PCBP3: variants seen among roughly 807,000 people sequenced by gnomAD.
The protein encoded by PCBP3 is poly(rC) binding protein 3.
A neutral mutation model predicts 52.7 loss-of-function variants in PCBP3; 25 were observed. The observed-to-expected ratio is 0.47, with a 90% CI of 0.35 to 0.66. PCBP3 has a LOEUF of 0.66. Among genes scored for constraint, PCBP3 ranks in the 30% least tolerant of loss-of-function variants. The pLI is 0.01. For synonymous variants in PCBP3, 162 were observed against 183.0 expected (o/e 0.89, Z 0.93); for missense variants, 391 against 490.3 (o/e 0.80, Z 1.91).
intron 16 of PCBP3, among the ~76,000 whole-genome samples, chr21:45,937,302 T>C (rs1039255052): frequency 2.0e-5 from 3 of 152,154 alleles, no homozygotes; most frequent in African/African-American, 7.2e-5. Context: ...AGCCCTTTGG[T>C]TCCCTTTCTG....
At chr21:45,730,759 C>G (rs1228761508) in intron 2 of PCBP3, among the ~76,000 whole-genome samples, 1 of 152,086 alleles carries the variant, frequency 6.6e-6, no homozygotes, top group African/African-American at 2.4e-5. Flanking sequence ...AAACTGACCC[C>G]TTAATTATTA....
In PCBP3 at chr21:45,788,567, T is replaced by A. The variant is rs1475038695; in HGVS notation, c.-126+33115T>A. The A allele has an allele frequency of 6.6e-6, 1 of 152,432 alleles. No individual in the cohort carries two copies. Among genetic ancestry groups the A allele is most frequent in the Non-Finnish European group, 1.5e-5 (1 of 68,262 alleles). The allele number at this position is 152,432 out of a possible 1,614,324, so 9.4% of individuals were successfully genotyped here. A position where few individuals can be genotyped will look rare whatever the true frequency, so the allele number is the denominator to read the frequency against. ...CTTTTTTCCCACCCCACGGGGCCGA[T>A]CCTGACTTCTGGTTGCTCCCTTTGC... is the stretch of plus-strand genomic sequence containing the variant. On this transcript the variant is annotated intron_variant, in intron 4 of 17. Coordinates refer to ENST00000681687, the MANE Select transcript of PCBP3 (RefSeq NM_001384156.1). This position sits in a 1 kb window ranked among gnomAD's most constrained non-coding sequence, Gnocchi z 4.3.
chr21:45,731,432 A>G (rs1038981918), intron 2 of PCBP3, among the ~76,000 whole-genome samples: 9 of 152,194 alleles, frequency 5.9e-5, no homozygotes, highest in African/African-American at 2.2e-4. Flanking sequence ...CATCACAGGT[A>G]TACAAGATGG....
At position 45,837,209 on chromosome 21, in the gene PCBP3, A is replaced by G. The variant is rs183903239; in HGVS notation, c.-125-12752A>G. Among the ~76,000 whole-genome samples the G allele has an allele frequency of 3.9e-3, 590 of 152,332 alleles. 5 individuals are homozygous for G. Among genetic ancestry groups the G allele is most frequent in the African/African-American group, 0.014 (570 of 41,574 alleles). On this transcript the variant is annotated intron_variant, in intron 4 of 17. Coordinates refer to ENST00000681687, the MANE Select transcript of PCBP3 (RefSeq NM_001384156.1). The surrounding 1 kb of genome is among the most constrained non-coding windows in gnomAD (Gnocchi z 4.1). ...CCACCAACATTCTGAATGTTTGCCA[A>G]TGCAGTGAATGTAAATAACGTTTCA...
intron 4 of PCBP3, among the ~76,000 whole-genome samples, chr21:45,820,911 G>A (rs1394401404): frequency 1.3e-5 from 2 of 152,136 alleles, no homozygotes; most frequent in Non-Finnish European, 2.9e-5. Flanking sequence ...GACCCTGCGG[G>A]ATACAGCCTC....
At chr21:45,768,548 T>C (rs1002934140) in intron 4 of PCBP3, among the ~76,000 whole-genome samples, 9 of 152,228 alleles carry the variant, frequency 5.9e-5, no homozygotes, top group African/African-American at 1.9e-4. Flanking sequence ...GTGTGATAGC[T>C]TCCTGGTAAT....
At chr21:45,646,119 G>C (rs1277352324) in intron 1 of PCBP3, among the ~76,000 whole-genome samples, 56 of 131,034 alleles carry the variant, frequency 4.3e-4, no homozygotes, top group African/African-American at 1.2e-3. Flanking sequence ...GTGTGTGTGT[G>C]TGTGTGTGTG....
In PCBP3 at chr21:45,935,318, G is replaced by T; in HGVS notation, c.909+13G>T. 3.1e-6 allele frequency: 5 copies of T among 1,600,416 alleles called. No individual in the cohort carries two copies. The highest frequency in any genetic ancestry group is 4.3e-6 in the Non-Finnish European group (5 of 1,169,740). On this transcript the variant is annotated intron_variant, in intron 16 of 17. Transcript: ENST00000681687. ...CATTCCCAATGATGTGAGTATGCCC[G>T]CTGTACCTGCCTGTCCCTGGGTAGA... is the stretch of plus-strand genomic sequence containing the variant.
intron 1 of PCBP3, among the ~76,000 whole-genome samples, chr21:45,664,027 T>C (rs1264741978): frequency 7.1e-6 from 1 of 139,964 alleles, no homozygotes; most frequent in African/African-American, 2.7e-5. Flanking sequence ...TTTCTTTTTT[T>C]TTTTTTAACT....
intron 4 of PCBP3, among the ~76,000 whole-genome samples, chr21:45,795,531 A>T (rs865992061): frequency 6.6e-6 from 1 of 152,200 alleles, no homozygotes; most frequent in Non-Finnish European, 1.5e-5. Flanking sequence ...GAATGCCTTT[A>T]AATAAAGCAT....
At chr21:45,941,509 C>G (rs887446242) in intron 17 of PCBP3, among the ~76,000 whole-genome samples, 161 bp from the exon 18 acceptor site, 1 of 152,158 alleles carries the variant, frequency 6.6e-6, no homozygotes. Flanking sequence ...GGGGAAGAGG[C>G]CTGTGTGCTC....
At chr21:45,773,330 T>G (rs2090021153) in intron 4 of PCBP3, among the ~76,000 whole-genome samples, 1 of 152,240 alleles carries the variant, frequency 6.6e-6, no homozygotes, top group African/African-American at 2.4e-5. Flanking sequence ...TGGTGAGAGA[T>G]AAGGTCGAAT....
intron 1 of PCBP3, among the ~76,000 whole-genome samples, chr21:45,664,487 C>A (rs1311077414): frequency 1.3e-5 from 2 of 150,186 alleles, no homozygotes; most frequent in Non-Finnish European, 3.0e-5. Context: ...TAAAATAATA[C>A]CATACAGAAA....
intron 2 of PCBP3, among the ~76,000 whole-genome samples, chr21:45,716,518 A>G (rs1490372976): frequency 6.6e-6 from 1 of 152,124 alleles, no homozygotes; most frequent in Non-Finnish European, 1.5e-5. Flanking sequence ...TGGAGATGAC[A>G]TCTTCTTGCT....
intron 5 of PCBP3, among the ~76,000 whole-genome samples, chr21:45,866,423 A>G (rs1432464146): frequency 6.6e-6 from 1 of 152,228 alleles, no homozygotes; most frequent in Admixed American, 6.5e-5. Context: ...AGAGAGGCTC[A>G]TGGAACGTGA....
chr21:45,927,081 G>A (rs985081985), intron 13 of PCBP3, among the ~76,000 whole-genome samples: 4 of 152,078 alleles, frequency 2.6e-5, no homozygotes, highest in African/African-American at 9.7e-5. Flanking sequence ...ACTGTGCTGG[G>A]GGCCTGTTTC....
At chr21:45,808,042 TAACTC>T (rs2092565172) in intron 4 of PCBP3, among the ~76,000 whole-genome samples, 1 of 152,046 alleles carries the variant, frequency 6.6e-6, no homozygotes, top group African/African-American at 2.4e-5. Flanking sequence ...ATACAAAAAT[TAACTC>T]AAGATGGATT....
At chr21:45,769,665 T>A (rs1399870681) in intron 4 of PCBP3, among the ~76,000 whole-genome samples, 2 of 152,232 alleles carry the variant, frequency 1.3e-5, no homozygotes, top group African/African-American at 4.8e-5. Flanking sequence ...CCACCCATGG[T>A]TGCAGGTTCT....
intron 13 of PCBP3, among the ~76,000 whole-genome samples, chr21:45,924,425 G>A (rs1449141245): frequency 6.3e-5 from 9 of 142,132 alleles, no homozygotes; most frequent in South Asian, 2.4e-4. Flanking sequence ...GAGGAGATGC[G>A]AACACCGGGA....
Sources: gnomAD v4.1 joint callset for allele counts (sites outside exome capture counted in the v4.1 genomes callset) on GRCh38, gnomAD v4.1.1 for gene constraint, Gnocchi (gnomAD v3.1) non-coding constraint, MANE v1.5 for transcripts, NCBI Gene and HGNC (gene_info 2026-07-23, HGNC 2026-07-21) for gene names.